Variants in PDS5B observed in about 807,000 individuals in gnomAD.
PDS5B encodes sister chromatid cohesion protein PDS5 homolog B.
PDS5B carries 51 observed loss-of-function variants against 184.1 expected under a neutral mutation model. The ratio of observed to expected loss-of-function variants is 0.28; its 90% CI spans 0.22 to 0.35. The LOEUF (loss-of-function observed/expected upper bound fraction) is 0.35. Among genes scored for constraint, PDS5B ranks in the 10% least tolerant of loss-of-function variants. The probability of loss-of-function intolerance (pLI) is 1.00; values close to 1 mark genes in which losing one functional copy is unlikely to be tolerated. For missense variants in PDS5B, 1,180 were observed against 1,723.3 expected, an observed-to-expected ratio of 0.68 and a Z score of 5.58; for synonymous variants, 566 against 569.2, an observed-to-expected ratio of 0.99 and a Z score of 0.08.
intron 26 of PDS5B, among the ~76,000 whole-genome samples, chr13:32,756,894 G>T (rs765799282): frequency 6.6e-6 from 1 of 151,956 alleles, no homozygotes; most frequent in Non-Finnish European, 1.5e-5. Flanking sequence ...AGGCTGAGGC[G>T]GGTGGCTCAC....
At chr13:32,655,368 A>ATTTTTTTTTTTTTTTTTTTTTTTT (rs368287046) in intron 3 of PDS5B, among the ~76,000 whole-genome samples, 1 of 27,192 alleles carries the variant, frequency 3.7e-5, no homozygotes, top group African/African-American at 1.7e-4. Context: ...CCATATATAT[A>ATTTTTTTTTTTTTTTTTTTTTTTT]TATATATTTT....
chr13:32,608,531 A>G (rs998276626), intron 1 of PDS5B, among the ~76,000 whole-genome samples: 1 of 152,152 alleles, frequency 6.6e-6, no homozygotes, highest in Admixed American at 6.5e-5. Flanking sequence ...CTGGTGCTAG[A>G]CTTGAAGTTG....
intron 17 of PDS5B, among the ~76,000 whole-genome samples, chr13:32,702,767 C>G (rs1211544477): frequency 2.0e-5 from 3 of 152,128 alleles, no homozygotes; most frequent in Non-Finnish European, 2.9e-5. Context: ...ATGAGATGAT[C>G]CTTAAAAAGC....
At chr13:32,719,677 A>G (rs1952601005) in intron 19 of PDS5B, among the ~76,000 whole-genome samples, 1 of 152,164 alleles carries the variant, frequency 6.6e-6, no homozygotes, top group South Asian at 2.1e-4. Flanking sequence ...CACTATTTAG[A>G]TAAAAGCCAA....
chr13:32,677,072 C>A (rs1593402886), intron 9 of PDS5B, among the ~76,000 whole-genome samples: 1 of 150,516 alleles, frequency 6.6e-6, no homozygotes, highest in African/African-American at 2.4e-5. Context: ...ATATTTTGGT[C>A]TCATTTTTCT....
At chr13:32,679,651 A>AAAAT (rs1566318596) in intron 10 of PDS5B, among the ~76,000 whole-genome samples, 3 of 151,064 alleles carry the variant, frequency 2.0e-5, no homozygotes, top group Non-Finnish European at 1.5e-5. Context: ...AAAAAAAAAA[A>AAAAT]AAATAAATAA....
intron 23 of PDS5B, 96 bp downstream of exon 23, chr13:32,742,823 A>T (rs565228790): frequency 2.5e-5 from 27 of 1,073,490 alleles, no homozygotes; most frequent in African/African-American, 1.3e-4. Flanking sequence ...TTTTTTTTTT[A>T]AATTAGAATT....
chr13:32,667,715 C>T, intron 6 of PDS5B, 49 bp from the exon 7 acceptor site: 1 of 1,113,920 alleles, frequency 9.0e-7, no homozygotes, highest in Non-Finnish European at 1.3e-6. Context: ...TAATATTTTG[C>T]TTTTCATAGT....
At chr13:32,710,129 A>G in intron 19 of PDS5B, 23 bp downstream of exon 19, 1 of 1,399,528 alleles carries the variant, frequency 7.1e-7, no homozygotes, top group Non-Finnish European at 9.5e-7. Context: ...TATTTTCAAA[A>G]ATATTCTGGA....
At chr13:32,642,985 T>G (rs1209265960) in intron 1 of PDS5B, among the ~76,000 whole-genome samples, 3 of 152,190 alleles carry the variant, frequency 2.0e-5, no homozygotes, top group Non-Finnish European at 4.4e-5. Flanking sequence ...TCTGCTGTTG[T>G]GTTCTGCATA....
At chr13:32,756,147 C>G (rs1414739958) in intron 26 of PDS5B, among the ~76,000 whole-genome samples, 191 bp downstream of exon 26, 2 of 151,752 alleles carry the variant, frequency 1.3e-5, no homozygotes, top group Non-Finnish European at 2.9e-5. Context: ...ATGTAGTTTC[C>G]CAAAACTTAA....
chr13:32,749,742 A>G (rs192034903), intron 24 of PDS5B, among the ~76,000 whole-genome samples: 2 of 152,306 alleles, frequency 1.3e-5, no homozygotes, highest in Admixed American at 1.3e-4. Flanking sequence ...GTACTAGAAA[A>G]GGCTACTAAA....
At chr13:32,760,499 G>A in intron 29 of PDS5B, 76 bp from the exon 30 acceptor site, 2 of 1,358,198 alleles carry the variant, frequency 1.5e-6, no homozygotes, top group Non-Finnish European at 2.1e-6. Flanking sequence ...TGAGAGAGAT[G>A]TTATTTATGG....
chr13:32,745,406 G>T (rs1198498815), intron 23 of PDS5B, among the ~76,000 whole-genome samples: 1 of 152,126 alleles, frequency 6.6e-6, no homozygotes, highest in South Asian at 2.1e-4. Context: ...AATGACTTGA[G>T]TGACACTAGC....
chr13:32,729,556 CCCA>C (rs1436759041), intron 19 of PDS5B, among the ~76,000 whole-genome samples: 2 of 152,180 alleles, frequency 1.3e-5, no homozygotes, highest in Non-Finnish European at 2.9e-5. Context: ...AATTTATGCT[CCCA>C]CCAACAGTGT....
intron 19 of PDS5B, among the ~76,000 whole-genome samples, chr13:32,730,834 A>G (rs541760494): frequency 6.6e-6 from 1 of 152,294 alleles, no homozygotes; most frequent in East Asian, 1.9e-4. Context: ...TCTCAGCTTA[A>G]GGAGTCTTTT....
At chr13:32,611,078 T>A (rs1340616829) in intron 1 of PDS5B, among the ~76,000 whole-genome samples, 1 of 152,154 alleles carries the variant, frequency 6.6e-6, no homozygotes, top group Admixed American at 6.5e-5. Flanking sequence ...TGTGAATTGA[T>A]CACAAATAGG....
At chr13:32,639,975 T>C (rs2058629928) in intron 1 of PDS5B, among the ~76,000 whole-genome samples, 2 of 152,214 alleles carry the variant, frequency 1.3e-5, no homozygotes, top group South Asian at 4.1e-4. Flanking sequence ...CTAAATCAAC[T>C]AAAAAATAGG....
At chr13:32,679,909 G>GTGTGTC (rs1555301530) in intron 10 of PDS5B, among the ~76,000 whole-genome samples, 2,729 of 149,480 alleles carry the variant, frequency 0.018, 55 homozygotes, top group African/African-American at 0.051. Context: ...GTGTGTGTGT[G>GTGTGTC]TGTGTGTCTG....
Sources: gnomAD v4.1 joint callset for allele counts (sites outside exome capture counted in the v4.1 genomes callset) on GRCh38, gnomAD v4.1.1 for gene constraint, MANE v1.5 for transcripts, NCBI Gene and HGNC (gene_info 2026-07-23, HGNC 2026-07-21) for gene names.